Variants in GPHN observed in about 807,000 individuals in gnomAD.
GPHN encodes the protein gephyrin.
Under a neutral mutation model 95.5 loss-of-function variants are expected in GPHN, and 17 were observed. The ratio of observed to expected loss-of-function variants is 0.18; its 90% CI spans 0.12 to 0.27. The LOEUF is 0.27. Among genes scored for constraint, GPHN ranks in the 10% least tolerant of loss-of-function variants. The pLI is 1.00. For missense variants in GPHN, 660 were observed against 978.1 expected (o/e 0.67, Z 4.34); for synonymous variants, 320 against 322.5 (o/e 0.99, Z 0.08).
At chr14:67,015,917 T>C (rs2073284415) in intron 9 of GPHN, among the ~76,000 whole-genome samples, 1 of 152,218 alleles carries the variant, frequency 6.6e-6, no homozygotes, top group Non-Finnish European at 1.5e-5. Flanking sequence ...AAAGCACAAC[T>C]GAAGCAGAAT....
At chr14:66,842,900 A>G (rs574801203) in intron 4 of GPHN, among the ~76,000 whole-genome samples, 43 of 152,120 alleles carry the variant, frequency 2.8e-4, no homozygotes, top group Non-Finnish European at 5.7e-4. Flanking sequence ...GTTCAGATCC[A>G]TCTGCTATTT....
chr14:66,554,859 C>G (rs1233890114), intron 1 of GPHN, among the ~76,000 whole-genome samples: 1 of 152,136 alleles, frequency 6.6e-6, no homozygotes, highest in African/African-American at 2.4e-5. Flanking sequence ...ATAGGTACCT[C>G]CAATGTGGAC....
the GPHN span, chr14:67,735,064 G>A: frequency 1.4e-6 from 1 of 696,112 alleles, no homozygotes. Flanking sequence ...ACAACCAACA[G>A]CAAATGACAC....
At chr14:67,197,682 A>T in the GPHN span, among the ~76,000 whole-genome samples, 3 of 152,118 alleles carry the variant, frequency 2.0e-5, no homozygotes, top group Non-Finnish European at 4.4e-5. Context: ...TATAGCTTTG[A>T]TACCCTGCTT....
the GPHN span, chr14:67,684,870 C>T: frequency 1.9e-6 from 1 of 539,460 alleles, no homozygotes. Flanking sequence ...GAGTCAAATT[C>T]CCCTACTAAA....
At chr14:66,666,323 A>G (rs991972710) in intron 1 of GPHN, among the ~76,000 whole-genome samples, 1 of 151,108 alleles carries the variant, frequency 6.6e-6, no homozygotes, top group Admixed American at 6.6e-5. Context: ...AGAATGCACA[A>G]TATCTTATTA....
At chr14:67,584,016 C>A in the GPHN span, 2 of 1,614,006 alleles carry the variant, frequency 1.2e-6, no homozygotes, top group African/African-American at 1.3e-5. Context: ...ATATGTTGAC[C>A]ACAAAATGGG....
At chr14:67,466,419 T>A in the GPHN span, among the ~76,000 whole-genome samples, 3 of 152,170 alleles carry the variant, frequency 2.0e-5, no homozygotes, top group Non-Finnish European at 2.9e-5. Flanking sequence ...CAGGGATTAA[T>A]GGTTTGGAAA....
chr14:67,535,670 G>A, the GPHN span, among the ~76,000 whole-genome samples: 3 of 151,976 alleles, frequency 2.0e-5, no homozygotes, highest in East Asian at 5.8e-4. Flanking sequence ...TTGAGCCACC[G>A]TGCCCAGCCT....
intron 5 of GPHN, 91 bp downstream of exon 5, chr14:66,880,124 A>T: frequency 1.3e-6 from 1 of 795,844 alleles, no homozygotes; most frequent in Non-Finnish European, 2.2e-6. Flanking sequence ...ATTGTTGTGA[A>T]TATTAAATGA....
chr14:66,810,673 A>C (rs969143342), intron 3 of GPHN, among the ~76,000 whole-genome samples: 1 of 152,114 alleles, frequency 6.6e-6, no homozygotes, highest in East Asian at 1.9e-4. Context: ...TGCTTTCATA[A>C]TAGTTTTATA....
chr14:67,188,087 A>G, the GPHN span, among the ~76,000 whole-genome samples: 1 of 152,188 alleles, frequency 6.6e-6, no homozygotes, highest in Non-Finnish European at 1.5e-5. Context: ...GTGGCAGGAA[A>G]GCTTCATATC....
chr14:66,640,376 T>TG (rs1290824346), intron 1 of GPHN, among the ~76,000 whole-genome samples: 1 of 152,110 alleles, frequency 6.6e-6, no homozygotes, highest in Non-Finnish European at 1.5e-5. Flanking sequence ...GAGCCAAGAC[T>TG]GCACCATTGC....
the GPHN span, chr14:67,201,822 A>T: frequency 3.8e-6 from 1 of 262,654 alleles, no homozygotes; most frequent in Non-Finnish European, 7.5e-6. Context: ...ATTATCATAC[A>T]GCTGAGAAAC....
the GPHN span, among the ~76,000 whole-genome samples, chr14:67,639,727 C>A: frequency 6.6e-6 from 1 of 152,078 alleles, no homozygotes; most frequent in Non-Finnish European, 1.5e-5. Flanking sequence ...TCGAGACCAG[C>A]CTAGCCAACA....
chr14:67,368,268 C>T, the GPHN span, among the ~76,000 whole-genome samples: 1 of 152,148 alleles, frequency 6.6e-6, no homozygotes, highest in Non-Finnish European at 1.5e-5. Context: ...ATAAAGACTG[C>T]CCTGCTTGTC....
chr14:66,606,342 T>C (rs560514769), intron 1 of GPHN, among the ~76,000 whole-genome samples: 17 of 152,296 alleles, frequency 1.1e-4, no homozygotes, highest in Admixed American at 4.6e-4. Flanking sequence ...TTCTGTTCCA[T>C]TGGTCTATGT....
At chr14:67,059,182 A>C (rs1272187417) in intron 11 of GPHN, among the ~76,000 whole-genome samples, 1 of 152,162 alleles carries the variant, frequency 6.6e-6, no homozygotes, top group Non-Finnish European at 1.5e-5. Context: ...TATGTCTTGT[A>C]ATCATCTTTT....
At chr14:67,430,629 G>T in the GPHN span, among the ~76,000 whole-genome samples, 1 of 152,198 alleles carries the variant, frequency 6.6e-6, no homozygotes, top group South Asian at 2.1e-4. Flanking sequence ...GAGGAGGCAG[G>T]TGGCAACGGG....
Sources: allele counts gnomAD v4.1 joint callset (sites outside exome capture counted in the v4.1 genomes callset), GRCh38; gene constraint gnomAD v4.1.1; transcripts MANE v1.5; gene names NCBI Gene and HGNC (gene_info 2026-07-23, HGNC 2026-07-21).